Variants in DSCAM observed in about 807,000 individuals in gnomAD.
The protein encoded by DSCAM is cell adhesion molecule DSCAM.
In DSCAM, 47 loss-of-function variants were observed where a neutral mutation model predicts 217.7. The observed-to-expected ratio is 0.22, with a 90% confidence interval of 0.17 to 0.28. The LOEUF is 0.28. Among genes scored for constraint, DSCAM ranks in the 10% least tolerant of loss-of-function variants. The pLI is 1.00. For missense variants in DSCAM, 2,080 were observed against 2,618.3 expected (o/e 0.79, Z 4.49); for synonymous variants, 1,056 against 1,015.3 (o/e 1.04, Z -0.76).
chr21:40,155,170 A>T (rs1049393641), intron 16 of DSCAM, among the ~76,000 whole-genome samples: 1 of 152,140 alleles, frequency 6.6e-6, no homozygotes, highest in Non-Finnish European at 1.5e-5. Flanking sequence ...CACAGTTAAC[A>T]TTTCCTACCA....
intron 3 of DSCAM, among the ~76,000 whole-genome samples, chr21:40,415,322 T>C (rs975357554): frequency 6.6e-6 from 1 of 152,260 alleles, no homozygotes; most frequent in African/African-American, 2.4e-5. Flanking sequence ...AAAAGGGCAC[T>C]GTCATCTACA....
At chr21:40,459,806 C>G (rs2075791605) in intron 3 of DSCAM, among the ~76,000 whole-genome samples, 1 of 146,140 alleles carries the variant, frequency 6.8e-6, no homozygotes, top group Non-Finnish European at 1.5e-5. Context: ...TAAAGAAAAC[C>G]TGCCCCCCAC....
intron 3 of DSCAM, among the ~76,000 whole-genome samples, chr21:40,658,822 C>T (rs2090104073): frequency 6.6e-6 from 1 of 152,060 alleles, no homozygotes; most frequent in Non-Finnish European, 1.5e-5. Flanking sequence ...TTGTAATCAA[C>T]CATAATATTC....
chr21:40,443,918 C>T (rs117560854), intron 3 of DSCAM, among the ~76,000 whole-genome samples: 1,578 of 152,278 alleles, frequency 0.01, 13 homozygotes, highest in Non-Finnish European at 0.017. Flanking sequence ...GTCAAGCTTT[C>T]TGGCTGTGAA....
At chr21:40,779,160 T>C (rs191202007) in intron 1 of DSCAM, among the ~76,000 whole-genome samples, 90 of 152,266 alleles carry the variant, frequency 5.9e-4, no homozygotes, top group African/African-American at 2.1e-3. Context: ...ATTAGACTTT[T>C]GACTTTTTAA....
intron 4 of DSCAM, among the ~76,000 whole-genome samples, chr21:40,361,426 C>T (rs1182439098): frequency 6.6e-6 from 1 of 152,146 alleles, no homozygotes; most frequent in Non-Finnish European, 1.5e-5. Context: ...CGAGCCCATC[C>T]TGGCCAACAT....
At chr21:40,804,020 G>A (rs2091764893) in intron 1 of DSCAM, among the ~76,000 whole-genome samples, 1 of 152,040 alleles carries the variant, frequency 6.6e-6, no homozygotes, top group African/African-American at 2.4e-5. Context: ...AAAGAAAGGG[G>A]GGAAATAGCT....
intron 11 of DSCAM, among the ~76,000 whole-genome samples, chr21:40,259,831 A>G (rs1035570757): frequency 6.6e-6 from 1 of 151,142 alleles, no homozygotes; most frequent in African/African-American, 2.4e-5. Flanking sequence ...CCGCCACCAC[A>G]CCTGTTATAA....
rs150291541 is a variant in DSCAM, at chr21:40,677,611, C to T, written c.508+15199G>A. 9.9e-4 allele frequency among the ~76,000 whole-genome samples: 150 copies of T among 152,272 alleles called. 1 individual carries two copies. Among genetic ancestry groups the T allele is most frequent in the African/African-American group, 3.5e-3 (146 of 41,564 alleles). Reference sequence around the variant, plus strand: ...TCTATTAAAAAAATATGTATATCGACTGAAGATCTATTTCCCTGCCTCCCA... The same window carrying T: ...TCTATTAAAAAAATATGTATATCGATTGAAGATCTATTTCCCTGCCTCCCA... On this transcript the variant is annotated intron_variant, in intron 3 of 32. Coordinates refer to ENST00000400454, the MANE Select transcript of DSCAM (RefSeq NM_001389.5).
At chr21:40,686,604 A>G (rs1299103867) in intron 3 of DSCAM, among the ~76,000 whole-genome samples, 2 of 152,200 alleles carry the variant, frequency 1.3e-5, no homozygotes, top group African/African-American at 2.4e-5. Context: ...TCAAAAGTCA[A>G]AAGCGTACTT....
intron 5 of DSCAM, among the ~76,000 whole-genome samples, chr21:40,351,198 A>G (rs188514391): frequency 2.6e-5 from 4 of 152,256 alleles, no homozygotes; most frequent in Admixed American, 2.6e-4. Context: ...AACAGAGCTG[A>G]GTAACTGTGA....
intron 1 of DSCAM, among the ~76,000 whole-genome samples, chr21:40,766,452 A>G (rs2091390263): frequency 6.6e-6 from 1 of 152,106 alleles, no homozygotes; most frequent in Non-Finnish European, 1.5e-5. Flanking sequence ...GAGACATTCA[A>G]TATCAATACT....
chr21:40,480,880 T>C (rs1183593123), intron 3 of DSCAM, among the ~76,000 whole-genome samples: 1 of 152,182 alleles, frequency 6.6e-6, no homozygotes, highest in East Asian at 1.9e-4. Context: ...TCTGATGCAA[T>C]CAGAAAACAT....
intron 3 of DSCAM, among the ~76,000 whole-genome samples, chr21:40,674,630 TTC>T (rs370952553): frequency 0.019 from 960 of 50,402 alleles, 19 homozygotes; most frequent in East Asian, 0.16. Context: ...CTTTTTCTTT[TTC>T]TTTTTTTTTT....
chr21:40,676,501 G>T (rs2090340330), intron 3 of DSCAM, among the ~76,000 whole-genome samples: 1 of 152,166 alleles, frequency 6.6e-6, no homozygotes, highest in Non-Finnish European at 1.5e-5. Flanking sequence ...CAGTAAAAGA[G>T]GAAATGCTTG....
intron 3 of DSCAM, among the ~76,000 whole-genome samples, chr21:40,533,677 C>CCATCCATCCATCCATCCATT (rs2076472111): frequency 3.3e-5 from 5 of 149,492 alleles, no homozygotes; most frequent in Non-Finnish European, 6.0e-5. Context: ...ATCCATCTGT[C>CCATCCATCCATCCATCCATT]CATCCATCCA....
intron 3 of DSCAM, among the ~76,000 whole-genome samples, chr21:40,602,294 C>G (rs2077068283): frequency 6.6e-6 from 1 of 152,104 alleles, no homozygotes. Flanking sequence ...ATCCTGAGCT[C>G]AAGCAATCCG....
In DSCAM at chr21:40,674,626, C is replaced by CTT. The variant is rs869239926; in HGVS notation, c.508+18182_508+18183dup. On this transcript the variant is annotated intron_variant, in intron 3 of 32. Coordinates refer to ENST00000400454, the MANE Select transcript of DSCAM (RefSeq NM_001389.5). Reference sequence around the variant, plus strand: ...TTAAAGGTATTTTCTTTTTCTTTTTCTTTTTCTTTTTTTTTTTTTTTTTTG... The same window carrying CTT: ...TTAAAGGTATTTTCTTTTTCTTTTTCTTTTTTTCTTTTTTTTTTTTTTTTTTG... Among the ~76,000 whole-genome samples the CTT allele has an allele frequency of 2.3e-3, 241 of 105,822 alleles. 5 individuals are homozygous for CTT. The highest frequency in any genetic ancestry group is 4.9e-3 in the African/African-American group (131 of 26,600). The allele number at this position is 105,822 out of a possible 152,430, so 69.4% of individuals were successfully genotyped here. A position where few individuals can be genotyped will look rare whatever the true frequency, so the allele number is the denominator to read the frequency against.
chr21:40,539,330 C>A (rs546868816), intron 3 of DSCAM, among the ~76,000 whole-genome samples: 1 of 152,000 alleles, frequency 6.6e-6, no homozygotes, highest in South Asian at 2.1e-4. Context: ...GTCGTCTCTA[C>A]TAAAAATACA....
Sources: allele counts gnomAD v4.1 joint callset (sites outside exome capture counted in the v4.1 genomes callset), GRCh38; gene constraint gnomAD v4.1.1; transcripts MANE v1.5; gene names NCBI Gene and HGNC (gene_info 2026-07-23, HGNC 2026-07-21).